TRPM3: variants seen among roughly 807,000 people sequenced by gnomAD.
TRPM3 encodes transient receptor potential cation channel subfamily M member 3.
In TRPM3, 77 loss-of-function variants were observed where a neutral mutation model predicts 181.2. That is an observed-to-expected ratio of 0.42 (90% confidence interval 0.35 to 0.51). TRPM3 has a LOEUF of 0.51. Among genes scored for constraint, TRPM3 ranks in the 20% least tolerant of loss-of-function variants. TRPM3 has a pLI of 0.01. For missense variants in TRPM3, 1,759 were observed against 2,196.7 expected, an observed-to-expected ratio of 0.80 and a Z score of 3.98; for synonymous variants, 745 against 796.4, an observed-to-expected ratio of 0.94 and a Z score of 1.09.
At position 71,121,036 on chromosome 9, in the gene TRPM3, C is replaced by G. The variant is rs1485588956; in HGVS notation, c.177+142G>C. 4.2e-6 allele frequency: 3 copies of G among 721,974 alleles called. No individual in the cohort carries two copies. In the Admixed American group the frequency reaches 9.3e-5, roughly 22 times the overall value. 44.7% of individuals were successfully genotyped at this position (721,974 alleles called of 1,614,324 possible). On this transcript the variant is annotated intron_variant, in intron 1 of 25. Coordinates refer to ENST00000677713, the MANE Select transcript of TRPM3 (RefSeq NM_001366145.2). ...GGGGGGAGGGCAGGAGTACTGAGAA[C>G]CTCTCTCCAGCCACGGACCACAGAG...
At chr9:71,275,770 C>T (rs1477817571) in intron 1 of TRPM3, among the ~76,000 whole-genome samples, 1 of 151,806 alleles carries the variant, frequency 6.6e-6, no homozygotes, top group Non-Finnish European at 1.5e-5. Context: ...ATAGAGAGCC[C>T]CAAAATAGAA....
intron 1 of TRPM3, among the ~76,000 whole-genome samples, chr9:71,132,437 A>T (rs2074430122): frequency 6.6e-6 from 1 of 152,228 alleles, no homozygotes; most frequent in Admixed American, 6.5e-5. Flanking sequence ...AGTGACAGAA[A>T]GCAGAGCAAT....
chr9:70,952,013 C>A (rs112941107), intron 1 of TRPM3, among the ~76,000 whole-genome samples: 1 of 152,248 alleles, frequency 6.6e-6, no homozygotes, highest in African/African-American at 2.4e-5. Flanking sequence ...GATTTATAAT[C>A]CAAGAAGCCT....
chr9:71,209,432 C>T (rs1477226252), intron 1 of TRPM3, among the ~76,000 whole-genome samples: 1 of 150,912 alleles, frequency 6.6e-6, no homozygotes, highest in Non-Finnish European at 1.5e-5. Context: ...GACTTCTTTT[C>T]TTCTCTATCA....
At position 70,780,888 on chromosome 9, in the gene TRPM3, CTCT is replaced by C. The variant is rs571107046; in HGVS notation, c.1148+3214_1148+3216del. Among the ~76,000 whole-genome samples, 157 of 152,134 alleles carry C rather than the reference CTCT, an allele frequency of 1.0e-3. 1 individual carries two copies. The highest frequency in any genetic ancestry group is 1.8e-3 in the Non-Finnish European group (123 of 67,988). ...TCAAAAATTATACTTAATTCTTTACCTCTGCACTAGTTATGTGCATAAACTCAT... is the reference window on the plus strand; with the variant it reads ...TCAAAAATTATACTTAATTCTTTACCGCACTAGTTATGTGCATAAACTCAT... On this transcript the variant is annotated intron_variant, in intron 7 of 25. Transcript: ENST00000677713.
chr9:70,846,445 A>G lies in TRPM3; in HGVS notation c.609T>C (p.Phe203=). 6.2e-7 allele frequency: 1 copy of G among 1,614,144 alleles called. No individual in the cohort carries two copies. The highest frequency in any genetic ancestry group is 8.5e-7 in the Non-Finnish European group (1 of 1,180,018). Residue 203 remains phenylalanine (F), a synonymous_variant, in exon 4 of 26, where the codon TTT becomes TTC. Transcript: ENST00000677713. ...FELQPKLKQV[F]GKGLIKAAMT... is the part of the protein sequence containing the mutation. ...TTGCTGCTTTGATGAGCCCTTTCCC[A>G]AAGACTTGCTTGAGTTTTGGCTGGA...
At chr9:71,113,427 G>T (rs1186641384) in intron 1 of TRPM3, among the ~76,000 whole-genome samples, 1 of 152,146 alleles carries the variant, frequency 6.6e-6, no homozygotes. Flanking sequence ...AAAAGGAGCA[G>T]ATGAGAGGGA....
At chr9:70,700,013 C>T (rs989466065) in intron 8 of TRPM3, among the ~76,000 whole-genome samples, 5 of 152,122 alleles carry the variant, frequency 3.3e-5, no homozygotes, top group Non-Finnish European at 4.4e-5. Flanking sequence ...GACAGAGTCT[C>T]GCTGTGTTGC....
intron 1 of TRPM3, among the ~76,000 whole-genome samples, chr9:71,175,252 G>C (rs2077048203): frequency 6.6e-6 from 1 of 152,182 alleles, no homozygotes; most frequent in African/African-American, 2.4e-5. Context: ...ATGGCTTGTG[G>C]AGCTGCATTA....
rs531088046 is a variant in TRPM3 at position 71,194,177 on chromosome 9, T to A, written c.183+252476A>T. On this transcript the variant is annotated intron_variant, in intron 1 of 24. Transcript: ENST00000357533. ...AGGAAATCCAACTTACAATTATAGA[T>A]CACAGAAATTTTCATTAAGTGTTTG... 5.9e-5 allele frequency among the ~76,000 whole-genome samples: 9 copies of A among 152,024 alleles called. No homozygotes were observed. The South Asian group carries it at 1.7e-3, about 28-fold the overall frequency.
intron 1 of TRPM3, among the ~76,000 whole-genome samples, chr9:71,136,283 G>A (rs1017924291): frequency 1.3e-5 from 2 of 152,156 alleles, no homozygotes; most frequent in Non-Finnish European, 2.9e-5. Context: ...CTTTAAAGTT[G>A]ACTTTGGAGG....
At chr9:70,863,640 G>A (rs939070835) in intron 2 of TRPM3, among the ~76,000 whole-genome samples, 8 of 152,088 alleles carry the variant, frequency 5.3e-5, no homozygotes, top group South Asian at 4.1e-4. Context: ...TGTTCTTGAC[G>A]AAACAATGAA....
upstream of TRPM3, among the ~76,000 whole-genome samples, chr9:71,124,306 G>GAAA (rs80222499): frequency 1.6e-5 from 2 of 123,924 alleles, no homozygotes; most frequent in Non-Finnish European, 1.7e-5. Context: ...GGTCTAATGA[G>GAAA]AAAAAAAAAA....
intron 1 of TRPM3, among the ~76,000 whole-genome samples, chr9:71,072,437 C>T (rs995147002): frequency 2.6e-5 from 4 of 152,104 alleles, no homozygotes; most frequent in African/African-American, 9.7e-5. Flanking sequence ...GCCAGATCTC[C>T]CATTTAAATC....
intron 5 of TRPM3, among the ~76,000 whole-genome samples, chr9:70,831,055 T>C (rs2093861073): frequency 6.6e-6 from 1 of 152,208 alleles, no homozygotes; most frequent in Admixed American, 6.6e-5. Flanking sequence ...TTCTTTGCCA[T>C]GTCCTCCCAG....
intron 1 of TRPM3, among the ~76,000 whole-genome samples, chr9:71,074,003 T>A (rs964890646): frequency 1.4e-4 from 21 of 152,210 alleles, no homozygotes; most frequent in Non-Finnish European, 1.8e-4. Context: ...CATCTTTTGA[T>A]TCTATTAAAT....
chr9:70,969,656 T>C (rs1401424165), intron 1 of TRPM3, among the ~76,000 whole-genome samples: 2 of 151,116 alleles, frequency 1.3e-5, no homozygotes, highest in African/African-American at 2.4e-5. Context: ...CTGCCTCTTA[T>C]AAATTGTGTG....
chr9:71,247,373 A>AT (rs1588124507), intron 1 of TRPM3, among the ~76,000 whole-genome samples: 3 of 151,540 alleles, frequency 2.0e-5, no homozygotes. Flanking sequence ...AAAAAAAAAA[A>AT]AATTAACAAT....
At chr9:71,117,934 A>G (rs889620488) in intron 1 of TRPM3, among the ~76,000 whole-genome samples, 1 of 152,176 alleles carries the variant, frequency 6.6e-6, no homozygotes, top group Admixed American at 6.5e-5. Flanking sequence ...CCTAAAAATA[A>G]TCTTCGAATT....
Sources: allele counts gnomAD v4.1 joint callset (sites outside exome capture counted in the v4.1 genomes callset), GRCh38; gene constraint gnomAD v4.1.1; transcripts MANE v1.5; gene names NCBI Gene and HGNC (gene_info 2026-07-23, HGNC 2026-07-21).